Variants in GSTA1 observed in about 807,000 individuals in gnomAD.
The protein encoded by GSTA1 is glutathione S-transferase alpha 1.
GSTA1 carries 23 observed loss-of-function variants against 21.5 expected under a neutral mutation model. The observed-to-expected ratio is 1.07, with a 90% CI of 0.77 to 1.52. GSTA1 has a LOEUF of 1.52. Ranked by LOEUF, GSTA1 falls within the 40% of genes most tolerant of loss-of-function variation. The pLI, the probability that GSTA1 is intolerant of heterozygous loss-of-function variation, is 0.00. For synonymous variants in GSTA1, 125 were observed against 90.0 expected (o/e 1.39, Z -2.20); for missense variants, 301 against 264.2 (o/e 1.14, Z -0.96).
chr6:52,796,603 G>A (rs1027525762), intron 3 of GSTA1, among the ~76,000 whole-genome samples: 1 of 144,114 alleles, frequency 6.9e-6, no homozygotes, highest in Non-Finnish European at 1.5e-5. Flanking sequence ...GAGTGGAGTG[G>A]CATGATCTTG....
intron 2 of GSTA1, among the ~76,000 whole-genome samples, chr6:52,798,312 G>A (rs996530528): frequency 2.8e-5 from 4 of 142,896 alleles, no homozygotes; most frequent in Admixed American, 2.1e-4. Context: ...TGTTCTAGAA[G>A]CCTCCTCCCC....
At position 52,792,864 on chromosome 6, in the gene GSTA1, G is replaced by A; in HGVS notation, c.538C>T (p.Leu180=). 1 of 1,613,992 alleles carries A rather than the reference G, an allele frequency of 6.2e-7. No individual in the cohort carries two copies. The highest frequency in any genetic ancestry group is 1.7e-4 in the Middle Eastern group (1 of 6,060). Residue 180 remains leucine, a synonymous_variant, in exon 6 of 7, where the codon CTG becomes TTG. Transcript: ENST00000334575. The part of the protein sequence containing the change: ...LDSSLISSFP[L]LKALKTRISN... ...GCTGTGAAATGGGTCACCTTCAGCA[G>A]AGGGAAGCTGGAGATAAGACTGGAG...
intron 6 of GSTA1, 72 bp downstream of exon 6, chr6:52,792,784 T>A: frequency 6.2e-7 from 1 of 1,611,872 alleles, no homozygotes; most frequent in Non-Finnish European, 8.5e-7. Flanking sequence ...ACTTGGTCAG[T>A]CGCAGGGCCC....
intron 3 of GSTA1, among the ~76,000 whole-genome samples, chr6:52,796,741 C>G (rs1763600532): frequency 6.6e-6 from 1 of 150,734 alleles, no homozygotes; most frequent in Admixed American, 6.6e-5. Context: ...TAGGGTCTCA[C>G]CATGTTGGCC....
chr6:52,803,634 C>A (rs1790460355), intron 1 of GSTA1, among the ~76,000 whole-genome samples, 151 bp downstream of exon 1: 1 of 152,108 alleles, frequency 6.6e-6, no homozygotes, highest in African/African-American at 2.4e-5. Context: ...ATAAACAATT[C>A]TTGAACTGTC....
intron 1 of GSTA1, among the ~76,000 whole-genome samples, chr6:52,801,141 G>C (rs529513140): frequency 6.6e-6 from 1 of 152,222 alleles, no homozygotes; most frequent in Admixed American, 6.5e-5. Context: ...TCAGCCTCCC[G>C]AAGTGCTGGG....
chr6:52,799,451 A>T (rs546066131), intron 1 of GSTA1, among the ~76,000 whole-genome samples, 154 bp from the exon 2 acceptor site: 5 of 152,294 alleles, frequency 3.3e-5, no homozygotes, highest in Non-Finnish European at 1.5e-5. Context: ...CTTGGCTCAA[A>T]TTGTTACCCA....
Position 52,803,516 on chromosome 6 carries a change from C to A in GSTA1, c.-31+269G>T, listed in dbSNP as rs575083093. 6.6e-5 allele frequency among the ~76,000 whole-genome samples: 10 copies of A among 152,228 alleles called. No individual in the cohort carries two copies. The East Asian group carries it at 1.9e-3, about 29-fold the overall frequency. On this transcript the variant is annotated intron_variant, in intron 1 of 6. Transcript: ENST00000334575. Reference sequence around the variant, plus strand: ...CAGATTGTTTAAAATGCTACCATTTCTTTTTTCTCTTCATGTCATTGTTTC... The same window carrying A: ...CAGATTGTTTAAAATGCTACCATTTATTTTTTCTCTTCATGTCATTGTTTC...
rs73740641 is a variant in GSTA1, at chr6:52,791,841, C to G, written c.*17G>C. ...GAACATTGGTATTGCAAGTTCTTGGCCTCCATGACTGCGTTATTAAAACCT... is the reference window on the plus strand; with the variant it reads ...GAACATTGGTATTGCAAGTTCTTGGGCTCCATGACTGCGTTATTAAAACCT... On this transcript the variant is annotated 3_prime_UTR_variant, in exon 7 of 7. Coordinates refer to ENST00000334575, the MANE Select transcript of GSTA1 (RefSeq NM_145740.5). The G allele has an allele frequency of 2.1e-3, 3,469 of 1,613,752 alleles. 61 individuals carry two copies. The African/African-American group carries it at 0.04, about 19-fold the overall frequency.
intron 1 of GSTA1, among the ~76,000 whole-genome samples, chr6:52,800,511 C>T (rs748643683): frequency 3.3e-5 from 5 of 152,112 alleles, no homozygotes; most frequent in East Asian, 1.9e-4. Context: ...ATTGTGTGTA[C>T]GGATGTTTGC....
chr6:52,798,864 T>C (rs921193514), intron 2 of GSTA1, among the ~76,000 whole-genome samples: 2 of 152,340 alleles, frequency 1.3e-5, no homozygotes, highest in African/African-American at 2.4e-5. Context: ...ATTTCATGTC[T>C]TCATATATTC....
At chr6:52,802,187 T>C (rs1327219463) in intron 1 of GSTA1, among the ~76,000 whole-genome samples, 2 of 152,110 alleles carry the variant, frequency 1.3e-5, no homozygotes, top group Non-Finnish European at 2.9e-5. Context: ...TTTACATCAA[T>C]AATTAACTTA....
chr6:52,795,874 G>A (rs1763563772), intron 4 of GSTA1, among the ~76,000 whole-genome samples: 2 of 152,116 alleles, frequency 1.3e-5, no homozygotes, highest in Admixed American at 1.3e-4. Flanking sequence ...TCGAGCCTCT[G>A]AAGTCCTGAG....
intron 3 of GSTA1, among the ~76,000 whole-genome samples, chr6:52,796,539 ATATATT>A (rs1763592945): frequency 2.8e-5 from 1 of 35,226 alleles, no homozygotes; most frequent in African/African-American, 7.0e-5. Flanking sequence ...GTATATATAT[ATATATT>A]TTTTTTTTTT....
rs746284506 is a variant in GSTA1, at chr6:52,791,989, CA to C, written c.547-10del. ...ATTCTGGTTTTCAGGGCCTGTAATT[CA>C]TAAAGCACAGCCTCAGAGTGAAGCC... On this transcript the variant is annotated splice_polypyrimidine_tract_variant and intron_variant, in intron 6 of 6. Coordinates refer to ENST00000334575, the MANE Select transcript of GSTA1 (RefSeq NM_145740.5). 3.1e-6 allele frequency: 5 copies of C among 1,613,746 alleles called. No homozygotes were observed. Among genetic ancestry groups the C allele is most frequent in the Non-Finnish European group, 4.2e-6 (5 of 1,179,852 alleles).
chr6:52,791,769 G>C lies in GSTA1; in HGVS notation c.*89C>G. 1 of 1,473,824 alleles carries C rather than the reference G, an allele frequency of 6.8e-7. No homozygotes were observed. The highest frequency in any genetic ancestry group is 9.4e-7 in the Non-Finnish European group (1 of 1,064,658). The allele number at this position is 1,473,824 out of a possible 1,614,324, so 91.3% of individuals were successfully genotyped here. ...GAAAGAGTTCATTAGCTTCACAACA[G>C]GCACAATCAACACTTAGGTAAAGTA... On this transcript the variant is annotated 3_prime_UTR_variant, in exon 7 of 7. Transcript: ENST00000334575.
At chr6:52,793,294 T>A (rs913870477) in intron 5 of GSTA1, among the ~76,000 whole-genome samples, 1 of 152,124 alleles carries the variant, frequency 6.6e-6, no homozygotes, top group East Asian at 1.9e-4. Flanking sequence ...CTCCATGTGT[T>A]CTGTCTGCCC....
rs939721758 is a variant in GSTA1, at chr6:52,799,108, A to G, written c.87+73T>C. 5 of 1,399,338 alleles carry G rather than the reference A, an allele frequency of 3.6e-6. No individual in the cohort carries two copies. In the African/African-American group the frequency reaches 7.1e-5, roughly 20 times the overall value. 86.7% of individuals were successfully genotyped at this position (1,399,338 alleles called of 1,614,324 possible). ...ACAATGCTTCAGTAAGCAACATCTCATAGTTTCTGTGGGAAAAGTATGTGA... is the reference window on the plus strand; with the variant it reads ...ACAATGCTTCAGTAAGCAACATCTCGTAGTTTCTGTGGGAAAAGTATGTGA... On this transcript the variant is annotated intron_variant, in intron 2 of 6. Transcript: ENST00000334575.
rs1763466704 is a variant in GSTA1 at position 52,791,890 on chromosome 6, A to C, written c.637T>G (p.Leu213Val). The C allele has an allele frequency of 6.2e-7, 1 of 1,613,874 alleles. No individual in the cohort carries two copies. The highest frequency in any genetic ancestry group is 8.5e-7 in the Non-Finnish European group (1 of 1,179,896). The part of the protein sequence containing the change: ...PRKPPMDEKS[L>V]EEARKIFRF Reference sequence around the variant, plus strand: ...CTGAAAATCTTCCTTGCTTCTTCTAAAGATTTCTCATCCATGGGAGGCTTC... The same window carrying C: ...CTGAAAATCTTCCTTGCTTCTTCTACAGATTTCTCATCCATGGGAGGCTTC... Residue 213 changes from leucine (L) to valine (V), a missense_variant, in exon 7 of 7, where the codon TTA (leucine) becomes GTA (valine). By Grantham distance (32) the Leu-to-Val change is conservative. Coordinates refer to ENST00000334575, the MANE Select transcript of GSTA1 (RefSeq NM_145740.5).
Sources: gnomAD v4.1 joint callset for allele counts (sites outside exome capture counted in the v4.1 genomes callset) on GRCh38, gnomAD v4.1.1 for gene constraint, MANE v1.5 for transcripts, NCBI Gene and HGNC (gene_info 2026-07-23, HGNC 2026-07-21) for gene names.